STAB1: variants seen among roughly 807,000 people sequenced by gnomAD.
The protein encoded by STAB1 is stabilin-1.
In STAB1, 250 loss-of-function variants were observed where a neutral mutation model predicts 332.4. That is an observed-to-expected ratio of 0.75 (90% CI 0.68 to 0.84). STAB1 has a LOEUF of 0.84. Among genes scored for constraint, STAB1 ranks in the 40% least tolerant of loss-of-function variants. The pLI is 0.00. For synonymous variants in STAB1, 1,475 were observed against 1,390.4 expected (o/e 1.06, Z -1.35); for missense variants, 3,249 against 3,489.7 (o/e 0.93, Z 1.74).
Position 52,507,842 on chromosome 3 carries a change from G to C in STAB1, c.2053-89G>C, listed in dbSNP as rs144503009. On this transcript the variant is annotated intron_variant, in intron 19 of 68. Coordinates refer to ENST00000321725, the MANE Select transcript of STAB1 (RefSeq NM_015136.3). ...ACCAGGGTTAGAGTTCTGGACCCAG[G>C]GGGCAGAGGTCCCTTAACCAGGGCT... 4.8e-6 allele frequency: 7 copies of C among 1,471,654 alleles called. No individual in the cohort carries two copies. The Admixed American group carries it at 7.0e-5, about 15-fold the overall frequency. The allele number at this position is 1,471,654 out of a possible 1,614,324, so 91.2% of individuals were successfully genotyped here.
intron 25 of STAB1, 150 bp from the exon 26 acceptor site, chr3:52,511,500 C>G (rs1709294459): frequency 3.3e-6 from 2 of 610,226 alleles, no homozygotes; most frequent in South Asian, 5.3e-5. Context: ...CCATCTGGAG[C>G]ACAGATCTCT....
Position 52,516,531 on chromosome 3 carries a change from C to T in STAB1, c.4241-11C>T. 1.2e-6 allele frequency: 2 copies of T among 1,613,384 alleles called. No homozygotes were observed. Among genetic ancestry groups the T allele is most frequent in the East Asian group, 2.2e-5 (1 of 44,886 alleles). On this transcript the variant is annotated splice_polypyrimidine_tract_variant and intron_variant, in intron 39 of 68. Coordinates refer to ENST00000321725, the MANE Select transcript of STAB1 (RefSeq NM_015136.3). ...GGTCTGAATGACCAGAGTCATCCTC[C>T]TGCCCCCCAGAAATCACCAGCCCTC...
chr3:52,505,089 C>T lies in STAB1; in HGVS notation c.1464C>T (p.His488=), dbSNP rs758037830. The T allele has an allele frequency of 3.7e-5, 59 of 1,613,588 alleles. No individual in the cohort carries two copies. The highest frequency in any genetic ancestry group is 7.7e-5 in the South Asian group (7 of 91,086). The change falls in exon 13 of 69, where the codon CAC becomes CAT. Residue 488 remains histidine, a synonymous_variant. Transcript: ENST00000321725. The stretch of plus-strand genomic sequence containing the variant: ...ACATAGCAGCTAATGGCGTCTTCCA[C>T]GTGGTCACTGGCCTGCGGTGGCAGG... ...ANNIAANGVF[H]VVTGLRWQAP...
At chr3:52,505,285 T>C (rs1559679954) in intron 13 of STAB1, 34 bp from the exon 14 acceptor site, 2 of 1,612,838 alleles carry the variant, frequency 1.2e-6, no homozygotes, top group Non-Finnish European at 1.7e-6. Flanking sequence ...CCTCACCCCT[T>C]CCCTGGGGCC....
chr3:52,502,255 C>T (rs748151808), intron 5 of STAB1, 27 bp downstream of exon 5: 69 of 1,603,546 alleles, frequency 4.3e-5, no homozygotes, highest in South Asian at 9.9e-5. Context: ...CAAGAGGGCA[C>T]GGCCAGCGTC....
chr3:52,508,726 G>A (rs1205427045), intron 21 of STAB1, among the ~76,000 whole-genome samples: 2 of 152,062 alleles, frequency 1.3e-5, no homozygotes, highest in African/African-American at 4.8e-5. Flanking sequence ...GGAGGCTGAG[G>A]CAGGAAAATC....
chr3:52,516,266 G>GGCGCC, intron 38 of STAB1, 28 bp downstream of exon 38: 2 of 794,384 alleles, frequency 2.5e-6, no homozygotes, highest in Non-Finnish European at 4.4e-6. Flanking sequence ...GCGGGGGTGG[G>GGCGCC]CCTCCTGGCA....
chr3:52,521,584 C>T lies in STAB1; in HGVS notation c.6059-12C>T. The T allele has an allele frequency of 6.2e-7, 1 of 1,613,022 alleles. No individual in the cohort carries two copies. Among genetic ancestry groups the T allele is most frequent in the Non-Finnish European group, 8.5e-7 (1 of 1,179,812 alleles). On this transcript the variant is annotated splice_polypyrimidine_tract_variant and intron_variant, in intron 56 of 68. Transcript: ENST00000321725. ...GGCCAATCTTTATCTTCCTGCCTGT[C>T]CCTCTCCCCAGCCTGCCGCTGCACT...
rs530152456 is a variant in STAB1 at position 52,516,997 on chromosome 3, C to T, written c.4377C>T (p.Cys1459=). The part of the protein sequence containing the change: ...NGIFCSEVDP[C]AHGHGGCSPH... ...ATCTCCCCTTAGAGGTGGACCCCTG[C>T]GCCCACGGCCATGGGGGCTGCTCCC... Residue 1459 remains cysteine (C), a synonymous_variant, in exon 42 of 69, where the codon TGC becomes TGT. Transcript: ENST00000321725. 9.5e-5 allele frequency: 153 copies of T among 1,610,002 alleles called. No individual in the cohort carries two copies. The highest frequency in any genetic ancestry group is 8.5e-4 in the South Asian group (77 of 90,670).
At position 52,514,436 on chromosome 3, in the gene STAB1, A is replaced by G. The variant is rs1259204562; in HGVS notation, c.3618A>G (p.Gly1206=). ...ALSMETLRKG[G]HRNSLLGPAH... Reference sequence around the variant, plus strand: ...CCATGGAAACCCTGCGGAAGGGTGGACACCGCAACTCCCTCCTGGGCCCTG... The same window carrying G: ...CCATGGAAACCCTGCGGAAGGGTGGGCACCGCAACTCCCTCCTGGGCCCTG... The change falls in exon 34 of 69, where the codon GGA becomes GGG. Residue 1206 remains glycine (G), a synonymous_variant. Coordinates refer to ENST00000321725, the MANE Select transcript of STAB1 (RefSeq NM_015136.3). 3 of 1,556,954 alleles carry G rather than the reference A, an allele frequency of 1.9e-6. No individual in the cohort carries two copies. The highest frequency in any genetic ancestry group is 1.7e-6 in the Non-Finnish European group (2 of 1,150,816).
In STAB1 at chr3:52,502,613, C is replaced by G; in HGVS notation, c.488-19C>G. The stretch of plus-strand genomic sequence containing the variant: ...TGGGAGAGGCTGGGGCCCCATCTGT[C>G]TCTGTGTGTCCCTCCCAGTGTGCAG... On this transcript the variant is annotated intron_variant, in intron 5 of 68. Coordinates refer to ENST00000321725, the MANE Select transcript of STAB1 (RefSeq NM_015136.3). 1 of 1,602,816 alleles carries G rather than the reference C, an allele frequency of 6.2e-7. No individual in the cohort carries two copies. Among genetic ancestry groups the G allele is most frequent in the Non-Finnish European group, 8.5e-7 (1 of 1,171,048 alleles).
Position 52,510,222 on chromosome 3 carries a change from GCT to G in STAB1, c.2616_2617del (p.Cys873LeufsTer5). 1 of 1,614,018 alleles carries G rather than the reference GCT, an allele frequency of 6.2e-7. No individual in the cohort carries two copies. The highest frequency in any genetic ancestry group is 8.5e-7 in the Non-Finnish European group (1 of 1,180,034). The stretch of plus-strand genomic sequence containing the variant: ...CCCTGCTCCCACCCGGACCGTGGAG[GCT>G]GCTCAGAGAATGTCAGTCCCCTTGC... On this transcript the variant is annotated frameshift_variant, in exon 24 of 69. Transcript: ENST00000321725. LOFTEE classifies it high-confidence loss of function.
In STAB1 at chr3:52,504,980, C is replaced by T. The variant is rs747746813; in HGVS notation, c.1378-23C>T. 6 of 1,613,286 alleles carry T rather than the reference C, an allele frequency of 3.7e-6. No individual in the cohort carries two copies. In the Middle Eastern group the frequency reaches 5.0e-4, roughly 133 times the overall value. ...CAGGGGGCTGGCATATGGGATCTGG[C>T]CAGACCTCTTGTGTCTCACCAGAAA... is the stretch of plus-strand genomic sequence containing the variant. On this transcript the variant is annotated intron_variant, in intron 12 of 68. Coordinates refer to ENST00000321725, the MANE Select transcript of STAB1 (RefSeq NM_015136.3).
intron 1 of STAB1, among the ~76,000 whole-genome samples, chr3:52,499,729 C>T (rs1462138254): frequency 6.6e-6 from 1 of 151,474 alleles, no homozygotes; most frequent in Non-Finnish European, 1.5e-5. Flanking sequence ...GAAACCCCGT[C>T]TCTACTAAAA....
rs755256453 is a variant in STAB1 at position 52,503,039 on chromosome 3, C to T, written c.624C>T (p.Thr208=). ...AGGAGCTGCGCTGTCCCCAGAACAC[C>T]CAGTGCTCCGCAGAGGCTCCCAGCT... ...VCQELRCPQN[T]QCSAEAPSCR... is the part of the protein sequence containing the mutation. The change falls in exon 7 of 69, where the codon ACC becomes ACT. Residue 208 remains threonine, a synonymous_variant. Transcript: ENST00000321725. 1.9e-6 allele frequency: 3 copies of T among 1,602,872 alleles called. No individual in the cohort carries two copies. The highest frequency in any genetic ancestry group is 1.3e-5 in the African/African-American group (1 of 74,810).
Position 52,515,321 on chromosome 3 carries a change from T to G in STAB1, c.3865-102T>G, listed in dbSNP as rs2078824093. The stretch of plus-strand genomic sequence containing the variant: ...CTCTCTGACCCTTCTGCTGTTCTGC[T>G]CAGCTGCCTGACACCTGTAGTCCAT... On this transcript the variant is annotated intron_variant, in intron 36 of 68. Transcript: ENST00000321725. 6.0e-6 allele frequency: 7 copies of G among 1,174,756 alleles called. No individual in the cohort carries two copies. The South Asian group carries it at 8.9e-5, about 15-fold the overall frequency. The allele number at this position is 1,174,756 out of a possible 1,614,324, so 72.8% of individuals were successfully genotyped here.
At position 52,523,070 on chromosome 3, in the gene STAB1, G is replaced by A. The variant is rs1394460085; in HGVS notation, c.6956G>A (p.Ser2319Asn). 6.4e-7 allele frequency: 1 copy of A among 1,571,200 alleles called. No homozygotes were observed. The highest frequency in any genetic ancestry group is 8.6e-7 in the Non-Finnish European group (1 of 1,156,586). The change falls in exon 63 of 69, where the codon AGC (serine) becomes AAC (asparagine). Residue 2319 changes from serine (S) to asparagine (N), a missense_variant. Ser to Asn is a conservative substitution (Grantham distance 46, BLOSUM62 1). Coordinates refer to ENST00000321725, the MANE Select transcript of STAB1 (RefSeq NM_015136.3). ...CRNGFVGDGI[S>N]TCNGKLLDVL... Reference sequence around the variant, plus strand: ...AATGGCTTCGTGGGTGACGGGATCAGCACGTGCAATGGGAAGCTGCTGGAT... The same window carrying A: ...AATGGCTTCGTGGGTGACGGGATCAACACGTGCAATGGGAAGCTGCTGGAT...
intron 55 of STAB1, 96 bp downstream of exon 55, chr3:52,521,101 C>T: frequency 7.1e-7 from 1 of 1,401,250 alleles, no homozygotes; most frequent in African/African-American, 1.4e-5. Context: ...TTGGGGCGTC[C>T]AGGGCTGGGG....
intron 43 of STAB1, 25 bp from the exon 44 acceptor site, chr3:52,517,524 GC>G (rs1559709824): frequency 3.1e-6 from 5 of 1,610,136 alleles, no homozygotes; most frequent in Non-Finnish European, 2.5e-6. Flanking sequence ...GCTCCCAGCA[GC>G]CCCACTGATC....
Sources: gnomAD v4.1 joint callset for allele counts (sites outside exome capture counted in the v4.1 genomes callset) on GRCh38, gnomAD v4.1.1 for gene constraint, MANE v1.5 for transcripts, NCBI Gene and HGNC (gene_info 2026-07-23, HGNC 2026-07-21) for gene names.